The following NCALD variants were observed in gnomAD, a reference collection of about 807,000 sequenced individuals.
NCALD encodes neurocalcin-delta.
NCALD carries 10 observed loss-of-function variants against 18.6 expected under a neutral mutation model. The observed-to-expected ratio is 0.54, with a 90% confidence interval of 0.33 to 0.91. NCALD has a LOEUF of 0.91. Among genes scored for constraint, NCALD ranks in the 40% least tolerant of loss-of-function variants. The pLI is 0.03. For synonymous variants in NCALD, 88 were observed against 87.4 expected (o/e 1.01, Z -0.04); for missense variants, 184 against 247.6 (o/e 0.74, Z 1.72).
At chr8:101,967,035 C>T (rs1357632789) in intron 2 of NCALD, among the ~76,000 whole-genome samples, 1 of 152,074 alleles carries the variant, frequency 6.6e-6, no homozygotes, top group Non-Finnish European at 1.5e-5. Context: ...CAGTACATAA[C>T]ATGTCTATGA....
chr8:102,102,022 A>C (rs1194588490), intron 1 of NCALD, among the ~76,000 whole-genome samples: 1 of 151,468 alleles, frequency 6.6e-6, no homozygotes, highest in African/African-American at 2.4e-5. Context: ...TAGCTCTTAA[A>C]ACTCATCCTC....
At chr8:101,798,020 T>C (rs1283609016) in intron 4 of NCALD, among the ~76,000 whole-genome samples, 1 of 152,134 alleles carries the variant, frequency 6.6e-6, no homozygotes, top group Non-Finnish European at 1.5e-5. Flanking sequence ...CTTATCTTGA[T>C]AAAAAGTATC....
At chr8:101,720,370 A>T (rs904828492) in intron 1 of NCALD, among the ~76,000 whole-genome samples, 9 of 152,270 alleles carry the variant, frequency 5.9e-5, no homozygotes, top group Non-Finnish European at 7.4e-5. Context: ...ATAACTTTGC[A>T]TTTTCTTATC....
intron 4 of NCALD, among the ~76,000 whole-genome samples, chr8:101,825,929 G>A (rs1375074162): frequency 1.3e-5 from 2 of 152,170 alleles, no homozygotes; most frequent in South Asian, 4.1e-4. Context: ...TCGCCCACAG[G>A]CCATAGTTTT....
rs1262469315 is a variant in NCALD at position 101,969,340 on chromosome 8, C to A, written c.-157+50897G>T. On this transcript the variant is annotated intron_variant, in intron 2 of 6. Transcript: ENST00000311028. ...CACTACTCAGAATGGACCAAGAAAT[C>A]TGAGTGGGTTTCTATTATTCAAGAT... is the stretch of plus-strand genomic sequence containing the variant. 3.3e-5 allele frequency among the ~76,000 whole-genome samples: 5 copies of A among 152,178 alleles called. No individual in the cohort carries two copies. In the East Asian group the frequency reaches 9.6e-4, roughly 29 times the overall value.
At chr8:102,036,126 A>AAAATAAATAAATTAATAAATAAAT (rs370415924) in intron 1 of NCALD, among the ~76,000 whole-genome samples, 3 of 148,880 alleles carry the variant, frequency 2.0e-5, no homozygotes, top group African/African-American at 5.0e-5. Flanking sequence ...CATCTCTACA[A>AAAATAAATAAATTAATAAATAAAT]AAATAAATAA....
At chr8:102,009,406 A>G (rs1425870122) in intron 2 of NCALD, among the ~76,000 whole-genome samples, 1 of 152,258 alleles carries the variant, frequency 6.6e-6, no homozygotes, top group Non-Finnish European at 1.5e-5. Context: ...CTGCCATTTT[A>G]TTCAGGGTAG....
chr8:101,988,083 A>T (rs1459584709), intron 2 of NCALD, among the ~76,000 whole-genome samples: 1 of 132,630 alleles, frequency 7.5e-6, no homozygotes, highest in Non-Finnish European at 1.5e-5. Context: ...GGAATCCGGG[A>T]GGCGGAGCTT....
At chr8:101,846,621 C>A (rs908023819) in intron 4 of NCALD, among the ~76,000 whole-genome samples, 3 of 152,138 alleles carry the variant, frequency 2.0e-5, no homozygotes, top group African/African-American at 7.2e-5. Flanking sequence ...CATCCCAGAC[C>A]ACTCTGGTGA....
intron 4 of NCALD, among the ~76,000 whole-genome samples, chr8:101,823,173 G>A (rs974286029): frequency 6.6e-6 from 1 of 152,232 alleles, no homozygotes; most frequent in African/African-American, 2.4e-5. Context: ...ATTTTGGCAA[G>A]TAGTCACAGT....
chr8:101,789,600 C>T (rs1385194277), intron 1 of NCALD, among the ~76,000 whole-genome samples: 1 of 152,106 alleles, frequency 6.6e-6, no homozygotes, highest in African/African-American at 2.4e-5. Context: ...TATATTCTTG[C>T]ACTAAATTAC....
intron 1 of NCALD, among the ~76,000 whole-genome samples, chr8:101,728,557 A>G (rs1816672935): frequency 1.3e-5 from 2 of 152,234 alleles, no homozygotes; most frequent in African/African-American, 2.4e-5. Flanking sequence ...GGCGTAGCTC[A>G]TGCCTGTAAT....
chr8:102,123,842 G>A (rs1213963867), intron 1 of NCALD: 5 of 151,856 alleles, frequency 3.3e-5, no homozygotes, highest in Non-Finnish European at 7.4e-5. Flanking sequence ...GGCCCCCGGG[G>A]CGGGATGCTC....
rs113128246 is a variant in NCALD at position 101,801,752 on chromosome 8, C to T, written c.-19-82104G>A. On this transcript the variant is annotated intron_variant, in intron 4 of 6. Coordinates refer to the NCALD transcript ENST00000311028. Reference sequence around the variant, plus strand: ...CACTATCTCGGCTCACTGCAAGCTCCGCCTCCCGGGTTCACGCCATTCTCC... The same window carrying T: ...CACTATCTCGGCTCACTGCAAGCTCTGCCTCCCGGGTTCACGCCATTCTCC... 5.8e-3 allele frequency among the ~76,000 whole-genome samples: 842 copies of T among 146,330 alleles called. 10 individuals are homozygous for T. Among genetic ancestry groups the T allele is most frequent in the African/African-American group, 0.019 (735 of 39,288 alleles).
At chr8:102,067,989 T>G (rs1485107709) in intron 1 of NCALD, among the ~76,000 whole-genome samples, 1 of 152,182 alleles carries the variant, frequency 6.6e-6, no homozygotes, top group Admixed American at 6.5e-5. Flanking sequence ...TTTCCAGTCC[T>G]CCAGTTCTAA....
At chr8:101,749,785 A>G (rs1426620824) in intron 1 of NCALD, among the ~76,000 whole-genome samples, 2 of 152,136 alleles carry the variant, frequency 1.3e-5, no homozygotes, top group Non-Finnish European at 2.9e-5. Flanking sequence ...CAGGTTGTTA[A>G]AGTCAAATAT....
chr8:102,098,856 A>G lies in NCALD; in HGVS notation c.-210+25381T>C, dbSNP rs529057022. Among the ~76,000 whole-genome samples, 215 of 152,198 alleles carry G rather than the reference A, an allele frequency of 1.4e-3. 1 individual carries two copies. The highest frequency in any genetic ancestry group is 2.9e-3 in the Non-Finnish European group (197 of 68,034). ...CCACTTATGATACTCATCCCCTGCC[A>G]CAGTGATTGGCTCAGGGATGAGCAT... On this transcript the variant is annotated intron_variant, in intron 1 of 6. Coordinates refer to the NCALD transcript ENST00000311028.
At chr8:102,021,160 T>G (rs1822259646) in intron 1 of NCALD, among the ~76,000 whole-genome samples, 1 of 152,360 alleles carries the variant, frequency 6.6e-6, no homozygotes, top group South Asian at 2.1e-4. Context: ...ATCATGTCTG[T>G]GTCTTTCACA....
intron 1 of NCALD, among the ~76,000 whole-genome samples, chr8:101,739,387 C>T (rs2130676671): frequency 6.6e-6 from 1 of 152,270 alleles, no homozygotes; most frequent in African/African-American, 2.4e-5. Flanking sequence ...GTCTATCTTT[C>T]CCTGTGTGAT....
Sources: gnomAD v4.1 joint callset for allele counts (sites outside exome capture counted in the v4.1 genomes callset) on GRCh38, gnomAD v4.1.1 for gene constraint, MANE v1.5 for transcripts, NCBI Gene and HGNC (gene_info 2026-07-23, HGNC 2026-07-21) for gene names.